The following NID1 variants were observed in gnomAD, a reference collection of about 807,000 sequenced individuals.
The protein encoded by NID1 is nidogen-1.
In NID1, 76 loss-of-function variants were observed where a neutral mutation model predicts 130.6. The ratio of observed to expected loss-of-function variants is 0.58; its 90% CI spans 0.48 to 0.70. The LOEUF (loss-of-function observed/expected upper bound fraction) is 0.70, where lower values mean the gene tolerates loss of function less well. NID1 is among the 30% of genes least tolerant of loss of function. The pLI, the probability that NID1 is intolerant of heterozygous loss-of-function variation, is 0.00. For missense variants in NID1, 1,517 were observed against 1,664.8 expected, an observed-to-expected ratio of 0.91 and a Z score of 1.54; for synonymous variants, 665 against 675.1, an observed-to-expected ratio of 0.98 and a Z score of 0.23.
chr1:236,020,002 A>G (rs921569003), intron 9 of NID1, among the ~76,000 whole-genome samples: 2 of 140,108 alleles, frequency 1.4e-5, no homozygotes, highest in East Asian at 4.3e-4. Flanking sequence ...GCGCCATTGT[A>G]CTCCTGCCTG....
chr1:236,064,849 A>G lies in NID1; in HGVS notation c.225+6T>C. On this transcript the variant is annotated splice_donor_region_variant and intron_variant, in intron 1 of 19. Coordinates refer to ENST00000264187, the MANE Select transcript of NID1 (RefSeq NM_002508.3). ...CCCCTCGCCCGCCCTCCCGGGGCTC[A>G]CTCACGTAGACTGCGTCGATGTCGG... The G allele has an allele frequency of 1.9e-6, 3 of 1,608,570 alleles. No individual in the cohort carries two copies. Among genetic ancestry groups the G allele is most frequent in the Non-Finnish European group, 2.5e-6 (3 of 1,177,904 alleles).
At position 235,980,601 on chromosome 1, in the gene NID1, A is replaced by G. The variant is rs542069989; in HGVS notation, c.3280T>C (p.Tyr1094His). ...NRDNPKIETS[Y>H]MDGTNRRILV... ...ATCCTCCGGTTCGTGCCGTCCATGTAGGAAGTTTCAATCTTGGGGTTATCT... is the reference window on the plus strand; with the variant it reads ...ATCCTCCGGTTCGTGCCGTCCATGTGGGAAGTTTCAATCTTGGGGTTATCT... Residue 1094 changes from tyrosine (Y) to histidine (H), a missense_variant, in exon 17 of 20, where the codon TAC becomes CAC. Physicochemically the swap from Tyr to His is moderately conservative, Grantham distance 83. Coordinates refer to ENST00000264187, the MANE Select transcript of NID1 (RefSeq NM_002508.3). 77 of 1,614,212 alleles carry G rather than the reference A, an allele frequency of 4.8e-5. No homozygotes were observed. In the South Asian group the frequency reaches 7.9e-4, roughly 17 times the overall value.
chr1:235,985,338 G>A lies in NID1; in HGVS notation c.3055+41C>T, dbSNP rs753257840. ...GCATACATGGCCACTTTGGCTGCTA[G>A]AAGCAAAACCAAAAAGGAAAAATGA... On this transcript the variant is annotated intron_variant, in intron 15 of 19. Transcript: ENST00000264187. 10 of 1,612,590 alleles carry A rather than the reference G, an allele frequency of 6.2e-6. 1 individual carries two copies. In the South Asian group the frequency reaches 1.1e-4, roughly 18 times the overall value.
chr1:236,022,575 T>C (rs1455130725), intron 9 of NID1, among the ~76,000 whole-genome samples: 1 of 150,878 alleles, frequency 6.6e-6, no homozygotes, highest in Non-Finnish European at 1.5e-5. Context: ...CCCGACCTCA[T>C]GATCCATCCA....
intron 12 of NID1, among the ~76,000 whole-genome samples, chr1:235,998,108 C>G (rs115342063): frequency 2.8e-3 from 421 of 152,282 alleles, no homozygotes; most frequent in African/African-American, 9.7e-3. Flanking sequence ...TGGATCCTCG[C>G]AAAGCAGACA....
chr1:236,040,885 C>T (rs757953254), intron 4 of NID1, among the ~76,000 whole-genome samples: 2 of 152,144 alleles, frequency 1.3e-5, no homozygotes, highest in Non-Finnish European at 2.9e-5. Flanking sequence ...GGCTGGTCTC[C>T]AACTCCTGAC....
intron 9 of NID1, among the ~76,000 whole-genome samples, chr1:236,022,754 G>A (rs1330040725): frequency 2.0e-5 from 3 of 151,532 alleles, no homozygotes; most frequent in Admixed American, 6.6e-5. Context: ...ACATTGTGGT[G>A]GTTCCTCAAA....
At position 235,977,678 on chromosome 1, in the gene NID1, CTT is replaced by C; in HGVS notation, c.*187_*188del. On this transcript the variant is annotated 3_prime_UTR_variant, in exon 20 of 20. Transcript: ENST00000264187. ...TTCTGTCCTTGTGTAGGGGTGGAGA[CTT>C]TTCTATTAGAGAAGTCCAGGGTGCA... The C allele has an allele frequency of 1.7e-6, 1 of 601,728 alleles. No homozygotes were observed. The highest frequency in any genetic ancestry group is 2.9e-6 in the Non-Finnish European group (1 of 344,900). The allele number at this position is 601,728 out of a possible 1,614,324, so 37.3% of individuals were successfully genotyped here. A position where few individuals can be genotyped will look rare whatever the true frequency, so the allele number is the denominator to read the frequency against.
intron 13 of NID1, among the ~76,000 whole-genome samples, chr1:235,992,519 G>A (rs1220463038): frequency 6.6e-6 from 1 of 152,140 alleles, no homozygotes; most frequent in Non-Finnish European, 1.5e-5. Flanking sequence ...GGCTCACACG[G>A]TGCTGCTTCT....
Position 236,043,614 on chromosome 1 carries a change from TG to T in NID1, c.753-1323del, listed in dbSNP as rs908245225. On this transcript the variant is annotated intron_variant, in intron 3 of 19. Coordinates refer to ENST00000264187, the MANE Select transcript of NID1 (RefSeq NM_002508.3). ...GAGATCGAGACCATCCTGGCTAACA[TG>T]GTGAAACCCCGTCTCTACTAAAAAT... 5.9e-3 allele frequency among the ~76,000 whole-genome samples: 890 copies of T among 152,068 alleles called. 9 individuals carry two copies. Among genetic ancestry groups the T allele is most frequent in the African/African-American group, 0.02 (825 of 41,464 alleles).
In NID1 at chr1:236,052,046, G is replaced by A. The variant is rs183352078; in HGVS notation, c.226-3057C>T. 3.3e-3 allele frequency among the ~76,000 whole-genome samples: 495 copies of A among 152,276 alleles called. 2 individuals carry two copies. Among genetic ancestry groups the A allele is most frequent in the African/African-American group, 9.7e-3 (405 of 41,570 alleles). Reference sequence around the variant, plus strand: ...GCTAATTTTACTGAACATTCAGCTCGATCGTCTGTGATAATGAAGAAGGAT... The same window carrying A: ...GCTAATTTTACTGAACATTCAGCTCAATCGTCTGTGATAATGAAGAAGGAT... On this transcript the variant is annotated intron_variant, in intron 1 of 19. Coordinates refer to ENST00000264187, the MANE Select transcript of NID1 (RefSeq NM_002508.3).
At chr1:236,010,047 T>A (rs1437945310) in intron 12 of NID1, among the ~76,000 whole-genome samples, 1 of 152,206 alleles carries the variant, frequency 6.6e-6, no homozygotes, top group Non-Finnish European at 1.5e-5. Flanking sequence ...ATTGGAAACA[T>A]CTGCTTCTCT....
At chr1:236,024,388 C>G (rs571162730) in intron 8 of NID1, among the ~76,000 whole-genome samples, 175 bp from the exon 9 acceptor site, 2 of 152,256 alleles carry the variant, frequency 1.3e-5, no homozygotes, top group African/African-American at 4.8e-5. Flanking sequence ...GCATGGCCCC[C>G]TCCCTGTTCT....
chr1:235,982,523 T>C (rs181101161), intron 15 of NID1, among the ~76,000 whole-genome samples: 91 of 152,188 alleles, frequency 6.0e-4, no homozygotes, highest in African/African-American at 2.1e-3. Flanking sequence ...GTATAAGGGG[T>C]ACAAAGAAGG....
intron 1 of NID1, among the ~76,000 whole-genome samples, chr1:236,057,305 T>G (rs1250635636): frequency 6.6e-6 from 1 of 152,114 alleles, no homozygotes; most frequent in Non-Finnish European, 1.5e-5. Context: ...TTTATGAATG[T>G]TGGTGAGTAA....
chr1:235,976,233 G>C lies in NID1; in HGVS notation c.*1634C>G, dbSNP rs1237682978. 1 of 152,202 alleles carries C rather than the reference G, an allele frequency of 6.6e-6. No individual in the cohort carries two copies. The highest frequency in any genetic ancestry group is 1.5e-5 in the Non-Finnish European group (1 of 68,044). The allele number at this position is 152,202 out of a possible 1,614,324, so 9.4% of individuals were successfully genotyped here. ...AGGTTCCAATGTACTGCAGAAGCAAGTGAGGACAAAGTCAGGAGAAGGTGG... is the reference window on the plus strand; with the variant it reads ...AGGTTCCAATGTACTGCAGAAGCAACTGAGGACAAAGTCAGGAGAAGGTGG... On this transcript the variant is annotated 3_prime_UTR_variant, in exon 20 of 20. Transcript: ENST00000264187.
intron 11 of NID1, among the ~76,000 whole-genome samples, chr1:236,012,607 C>T (rs1658465253): frequency 6.7e-6 from 1 of 149,548 alleles, no homozygotes; most frequent in Admixed American, 6.7e-5. Context: ...TTTCATCAAC[C>T]TTACAACAGG....
chr1:235,994,373 G>T (rs991452158), intron 12 of NID1, among the ~76,000 whole-genome samples: 1 of 152,138 alleles, frequency 6.6e-6, no homozygotes, highest in Non-Finnish European at 1.5e-5. Flanking sequence ...TGTCAGCCAG[G>T]CTGGTCTCGA....
At position 236,017,244 on chromosome 1, in the gene NID1, C is replaced by G. The variant is rs754961728; in HGVS notation, c.2158G>C (p.Val720Leu). Residue 720 changes from valine (V) to leucine (L), a missense_variant, in exon 10 of 20, where the codon GTG (valine) becomes CTG (leucine). Val to Leu is a conservative substitution (Grantham distance 32). This residue lies in a region of NID1 where 1,329 missense variants were observed against 1,429.2 expected (regional missense o/e 0.93). Transcript: ENST00000264187. ...DIDECSEQPS[V>L]CGSHTICNNH... ...TTGCAGATTGTGTGGCTCCCACACA[C>G]TGAGGGTTGTTCTGAACATTCATCA... The G allele has an allele frequency of 1.2e-6, 2 of 1,614,024 alleles. No homozygotes were observed. The highest frequency in any genetic ancestry group is 3.3e-5 in the Admixed American group (2 of 60,002).
Sources: allele counts gnomAD v4.1 joint callset (sites outside exome capture counted in the v4.1 genomes callset), GRCh38; gene constraint gnomAD v4.1.1; regional missense constraint gnomAD v4.1.1; transcripts MANE v1.5; gene names NCBI Gene and HGNC (gene_info 2026-07-23, HGNC 2026-07-21).